RNF130: variants seen among roughly 807,000 people sequenced by gnomAD.
RNF130 encodes E3 ubiquitin-protein ligase RNF130.
Under a neutral mutation model 44.6 loss-of-function variants are expected in RNF130, and 21 were observed. That is an observed-to-expected ratio of 0.47 (90% CI 0.33 to 0.68). The LOEUF (loss-of-function observed/expected upper bound fraction) is 0.68, where lower values mean the gene tolerates loss of function less well. Ranked by LOEUF, RNF130 falls within the 30% of genes least tolerant of loss-of-function variation. The pLI, the probability that RNF130 is intolerant of heterozygous loss-of-function variation, is 0.02. For missense variants in RNF130, 479 were observed against 560.6 expected, an observed-to-expected ratio of 0.85 and a Z score of 1.47; for synonymous variants, 214 against 210.4, an observed-to-expected ratio of 1.02 and a Z score of -0.15.
intron 7 of RNF130, among the ~76,000 whole-genome samples, chr5:179,942,190 C>T: frequency 1.4e-5 from 1 of 69,356 alleles, no homozygotes; most frequent in East Asian, 9.6e-4. Context: ...GGCACTGGCA[C>T]CAAGAAACAA....
chr5:180,022,674 T>C (rs1329670258), intron 2 of RNF130, among the ~76,000 whole-genome samples: 1 of 152,220 alleles, frequency 6.6e-6, no homozygotes. Context: ...CCATTTGAAC[T>C]GTTACTTAAG....
chr5:180,071,386 G>C (rs1765259061), intron 1 of RNF130, 70 bp downstream of exon 1: 3 of 1,219,146 alleles, frequency 2.5e-6, no homozygotes, highest in South Asian at 4.1e-5. Context: ...AGCCGGGGCC[G>C]GGAACCCTAG....
At chr5:179,948,231 T>A (rs1762072190) in intron 7 of RNF130, among the ~76,000 whole-genome samples, 1 of 152,224 alleles carries the variant, frequency 6.6e-6, no homozygotes, top group African/African-American at 2.4e-5. Context: ...AAAATGGTTA[T>A]ACATGTGAAC....
chr5:180,042,647 G>A (rs998166626), intron 1 of RNF130, among the ~76,000 whole-genome samples: 9 of 152,302 alleles, frequency 5.9e-5, no homozygotes, highest in South Asian at 2.1e-4. Context: ...GTATCCAAAC[G>A]GGGAATAACC....
At chr5:180,060,236 T>C (rs573608929) in intron 1 of RNF130, among the ~76,000 whole-genome samples, 3 of 152,360 alleles carry the variant, frequency 2.0e-5, no homozygotes, top group East Asian at 3.9e-4. Context: ...GAGGAGTAAA[T>C]TGGTGTTGCT....
exon 8 of RNF130, chr5:179,913,199 C>A (rs1162730880): frequency 6.6e-6 from 1 of 152,338 alleles, no homozygotes; most frequent in Non-Finnish European, 1.5e-5. Context: ...CTACGGGCGC[C>A]GCTTTCACAG....
At chr5:180,016,451 TTG>T (rs1166238015) in intron 2 of RNF130, among the ~76,000 whole-genome samples, 1 of 152,200 alleles carries the variant, frequency 6.6e-6, no homozygotes, top group Non-Finnish European at 1.5e-5. Flanking sequence ...CAAAGCACAT[TTG>T]GGACATGCCC....
chr5:180,006,369 G>C (rs575820615), intron 3 of RNF130, among the ~76,000 whole-genome samples: 1 of 152,084 alleles, frequency 6.6e-6, no homozygotes, highest in South Asian at 2.1e-4. Context: ...ACCTTTCTCT[G>C]ACACAGGAAT....
At position 180,062,216 on chromosome 5, in the gene RNF130, A is replaced by C. The variant is rs563578205; in HGVS notation, c.247+9240T>G. ...ACTACAGGCACGCACAGCCACGCCT[A>C]GATAATTTTTGTTATTTATTTTTTT... On this transcript the variant is annotated intron_variant, in intron 1 of 8. Transcript: ENST00000521389. Among the ~76,000 whole-genome samples, 4 of 152,132 alleles carry C rather than the reference A, an allele frequency of 2.6e-5. No homozygotes were observed. In the South Asian group the frequency reaches 8.3e-4, roughly 32 times the overall value.
intron 2 of RNF130, among the ~76,000 whole-genome samples, chr5:180,014,826 A>C (rs1763681409): frequency 6.6e-6 from 1 of 152,134 alleles, no homozygotes; most frequent in Non-Finnish European, 1.5e-5. Flanking sequence ...TCTCTCACAA[A>C]AACAGGAACA....
chr5:179,972,431 T>C (rs1391488342), intron 5 of RNF130, among the ~76,000 whole-genome samples: 1 of 152,148 alleles, frequency 6.6e-6, no homozygotes. Context: ...GGGTGGACGA[T>C]GGGACTTGGC....
chr5:180,028,813 A>G (rs1164950440), intron 2 of RNF130, among the ~76,000 whole-genome samples: 2 of 152,246 alleles, frequency 1.3e-5, no homozygotes, highest in African/African-American at 4.8e-5. Flanking sequence ...TTAAACAATT[A>G]AGTTATATGG....
chr5:180,034,154 C>T (rs1258911885), intron 2 of RNF130, among the ~76,000 whole-genome samples: 1 of 150,322 alleles, frequency 6.7e-6, no homozygotes, highest in Non-Finnish European at 1.5e-5. Flanking sequence ...TCTGCACCTA[C>T]CGAAAATGGT....
At chr5:180,001,132 A>G (rs2113058724) in intron 3 of RNF130, among the ~76,000 whole-genome samples, 1 of 152,314 alleles carries the variant, frequency 6.6e-6, no homozygotes, top group Admixed American at 6.5e-5. Flanking sequence ...TTTCAGCTGA[A>G]TTCAACATCA....
chr5:179,926,115 G>C (rs1761705009), intron 7 of RNF130, among the ~76,000 whole-genome samples: 1 of 152,138 alleles, frequency 6.6e-6, no homozygotes, highest in South Asian at 2.1e-4. Flanking sequence ...TCTGGTAGGG[G>C]TTGACCAATT....
At chr5:180,020,157 G>A (rs758471623) in intron 2 of RNF130, among the ~76,000 whole-genome samples, 1 of 152,156 alleles carries the variant, frequency 6.6e-6, no homozygotes, top group Non-Finnish European at 1.5e-5. Context: ...GAGGCCCAGG[G>A]AGCAGCTATG....
chr5:180,016,549 C>T (rs1174343471), intron 2 of RNF130, among the ~76,000 whole-genome samples: 1 of 152,198 alleles, frequency 6.6e-6, no homozygotes. Flanking sequence ...CACGTCTGGC[C>T]GCCAGTACTA....
chr5:180,010,358 A>AT (rs1006704916), intron 3 of RNF130, among the ~76,000 whole-genome samples: 2 of 150,984 alleles, frequency 1.3e-5, no homozygotes, highest in African/African-American at 4.9e-5. Context: ...CCTATATAAC[A>AT]TTTTTTTCTT....
intron 1 of RNF130, among the ~76,000 whole-genome samples, chr5:180,055,432 A>C (rs1764792701): frequency 2.0e-5 from 1 of 49,484 alleles, no homozygotes; most frequent in African/African-American, 8.2e-5. Context: ...CCTGAATGTC[A>C]GATGACTTTG....
Sources: gnomAD v4.1 joint callset for allele counts (sites outside exome capture counted in the v4.1 genomes callset) on GRCh38, gnomAD v4.1.1 for gene constraint, MANE v1.5 for transcripts, NCBI Gene and HGNC (gene_info 2026-07-23, HGNC 2026-07-21) for gene names.